MCCC1: variants seen among roughly 807,000 people sequenced by gnomAD.
MCCC1 encodes methylcrotonyl-CoA carboxylase subunit 1.
In MCCC1, 64 loss-of-function variants were observed where a neutral mutation model predicts 83.8. The ratio of observed to expected loss-of-function variants is 0.76; its 90% CI spans 0.62 to 0.94. MCCC1 has a LOEUF of 0.94. Ranked by LOEUF, MCCC1 falls within the 40% of genes least tolerant of loss-of-function variation. The probability of loss-of-function intolerance (pLI) is 0.00; values close to 1 mark genes in which losing one functional copy is unlikely to be tolerated. For missense variants in MCCC1, 807 were observed against 904.7 expected, an observed-to-expected ratio of 0.89 and a Z score of 1.39; for synonymous variants, 322 against 315.4, an observed-to-expected ratio of 1.02 and a Z score of -0.22.
At chr3:183,096,587 G>A (rs1036134530) in intron 1 of MCCC1, among the ~76,000 whole-genome samples, 1 of 151,726 alleles carries the variant, frequency 6.6e-6, no homozygotes, top group East Asian at 1.9e-4. Flanking sequence ...TCACTGGAGC[G>A]GAGATGCAGT....
intron 14 of MCCC1, among the ~76,000 whole-genome samples, chr3:183,026,459 C>G (rs1712610095): frequency 6.6e-6 from 1 of 152,174 alleles, no homozygotes; most frequent in Non-Finnish European, 1.5e-5. Context: ...TGCCTGTAAT[C>G]CCAGCACTTT....
chr3:183,071,975 C>T (rs1246035306), intron 5 of MCCC1, among the ~76,000 whole-genome samples: 2 of 150,614 alleles, frequency 1.3e-5, no homozygotes, highest in Non-Finnish European at 2.9e-5. Flanking sequence ...CTCAAGCAAT[C>T]CTCCCACCTC....
chr3:183,111,909 T>G (rs979262610), intron 1 of MCCC1, among the ~76,000 whole-genome samples: 2 of 152,206 alleles, frequency 1.3e-5, no homozygotes, highest in Non-Finnish European at 2.9e-5. Context: ...GTAATTTTTG[T>G]GTTAAAATGT....
At chr3:183,038,425 T>G (rs575758392) in intron 12 of MCCC1, among the ~76,000 whole-genome samples, 1 of 152,190 alleles carries the variant, frequency 6.6e-6, no homozygotes, top group South Asian at 2.1e-4. Flanking sequence ...GCCAGTGTGG[T>G]TGGAGCCACA....
At position 183,034,018 on chromosome 3, in the gene MCCC1, T is replaced by C. The variant is rs1713304898; in HGVS notation, c.1654A>G (p.Asn552Asp). ...TTTTTACCATCTTTAAGAGTCATGT[T>C]TCTGGTATACGAGATATTCAGTCTT... The part of the protein sequence containing the change: ...GRRLNISYTR[N>D]MTLKDGKNNV... Residue 552 changes from asparagine (N) to aspartate (D), a missense_variant, in exon 14 of 19, where the codon AAC (asparagine) becomes GAC (aspartate). By Grantham distance (23) the Asn-to-Asp change is conservative. Coordinates refer to ENST00000265594, the MANE Select transcript of MCCC1 (RefSeq NM_020166.5). The C allele has an allele frequency of 6.2e-7, 1 of 1,610,918 alleles. No individual in the cohort carries two copies. Among genetic ancestry groups the C allele is most frequent in the South Asian group, 1.1e-5 (1 of 91,018 alleles).
chr3:183,086,854 A>ACTG, intron 3 of MCCC1, 66 bp from the exon 4 acceptor site: 2 of 1,386,192 alleles, frequency 1.4e-6, no homozygotes, highest in Non-Finnish European at 2.0e-6. Context: ...ACTATACAGA[A>ACTG]CTGCTTCAGG....
intron 14 of MCCC1, among the ~76,000 whole-genome samples, chr3:183,032,150 G>A (rs1457423688): frequency 6.6e-6 from 1 of 152,124 alleles, no homozygotes; most frequent in African/African-American, 2.4e-5. Context: ...TTTCAATTAT[G>A]TATTTATTTT....
At chr3:183,020,103 A>T (rs763040211) in intron 17 of MCCC1, 27 bp downstream of exon 17, 1 of 1,545,604 alleles carries the variant, frequency 6.5e-7, no homozygotes, top group Non-Finnish European at 8.9e-7. Flanking sequence ...CTTACTGAAC[A>T]TCATTCTACA....
At position 183,082,439 on chromosome 3, in the gene MCCC1, C is replaced by A. The variant is rs1017434314; in HGVS notation, c.369+4254G>T. Among the ~76,000 whole-genome samples, 6 of 152,288 alleles carry A rather than the reference C, an allele frequency of 3.9e-5. No homozygotes were observed. The South Asian group carries it at 1.0e-3, about 26-fold the overall frequency. ...ATACACATATAGAAAAGCACATTTGCCCTAAGTGTACAGCTCTTAAGTCCA... is the reference window on the plus strand; with the variant it reads ...ATACACATATAGAAAAGCACATTTGACCTAAGTGTACAGCTCTTAAGTCCA... On this transcript the variant is annotated intron_variant, in intron 4 of 18. Transcript: ENST00000265594.
chr3:183,070,789 T>C (rs1011326486), intron 7 of MCCC1, among the ~76,000 whole-genome samples: 13 of 152,044 alleles, frequency 8.6e-5, no homozygotes, highest in South Asian at 2.1e-4. Flanking sequence ...GTTTGCTGTA[T>C]GTATATGTAT....
chr3:183,058,323 C>A (rs1715576951), intron 7 of MCCC1, among the ~76,000 whole-genome samples: 1 of 152,072 alleles, frequency 6.6e-6, no homozygotes, highest in African/African-American at 2.4e-5. Flanking sequence ...CATAATAAAA[C>A]CCAAAAAAGG....
intron 4 of MCCC1, among the ~76,000 whole-genome samples, chr3:183,086,425 T>C (rs968571093): frequency 1.4e-4 from 21 of 152,232 alleles, no homozygotes; most frequent in African/African-American, 4.8e-4. Flanking sequence ...GTTTTGAGGA[T>C]AGAAGAGCTG....
At chr3:183,108,912 T>C (rs1159733814) in intron 1 of MCCC1, among the ~76,000 whole-genome samples, 1 of 152,216 alleles carries the variant, frequency 6.6e-6, no homozygotes, top group African/African-American at 2.4e-5. Flanking sequence ...TGAAGGACTT[T>C]GATATGCTGG....
At chr3:183,015,717 T>G in intron 18 of MCCC1, 151 bp from the exon 19 acceptor site, 2 of 955,114 alleles carry the variant, frequency 2.1e-6, no homozygotes, top group Non-Finnish European at 3.3e-6. Flanking sequence ...TTGTTGTTGT[T>G]GTTGTTTTTA....
At chr3:183,078,860 C>T (rs1026264532) in intron 4 of MCCC1, among the ~76,000 whole-genome samples, 2 of 152,176 alleles carry the variant, frequency 1.3e-5, no homozygotes, top group South Asian at 2.1e-4. Flanking sequence ...GGGGAGGCCT[C>T]GCAATCATGG....
At chr3:183,035,666 G>C (rs928428187) in intron 13 of MCCC1, among the ~76,000 whole-genome samples, 1 of 151,934 alleles carries the variant, frequency 6.6e-6, no homozygotes, top group Non-Finnish European at 1.5e-5. Context: ...TTTGGATTTG[G>C]GGATTTGGGA....
At chr3:183,041,900 G>C (rs575278241) in intron 10 of MCCC1, 150 bp from the exon 11 acceptor site, 2 of 890,642 alleles carry the variant, frequency 2.2e-6, no homozygotes, top group South Asian at 3.0e-5. Context: ...CTACTCATTT[G>C]AGTATTGGGC....
At chr3:183,041,008 T>TA (rs1714036082) in intron 11 of MCCC1, among the ~76,000 whole-genome samples, 1 of 152,224 alleles carries the variant, frequency 6.6e-6, no homozygotes, top group African/African-American at 2.4e-5. Context: ...AATGCCTACT[T>TA]ACAGGGTACT....
At chr3:183,115,111 G>A (rs975394550) in intron 1 of MCCC1, among the ~76,000 whole-genome samples, 24 of 152,082 alleles carry the variant, frequency 1.6e-4, no homozygotes, top group African/African-American at 5.1e-4. Context: ...CAGGGATGCC[G>A]GCACCCCTCT....
Sources: gnomAD v4.1 joint callset for allele counts (sites outside exome capture counted in the v4.1 genomes callset) on GRCh38, gnomAD v4.1.1 for gene constraint, MANE v1.5 for transcripts, NCBI Gene and HGNC (gene_info 2026-07-23, HGNC 2026-07-21) for gene names.